NRIP1: variants seen among roughly 807,000 people sequenced by gnomAD.
NRIP1 encodes nuclear receptor interacting protein 1.
Under a neutral mutation model 75.0 loss-of-function variants are expected in NRIP1, and 28 were observed. That is an observed-to-expected ratio of 0.37 (90% CI 0.28 to 0.51). The LOEUF (loss-of-function observed/expected upper bound fraction) is 0.51. Among genes scored for constraint, NRIP1 ranks in the 20% least tolerant of loss-of-function variants. NRIP1 has a pLI of 0.92. For synonymous variants in NRIP1, 526 were observed against 487.6 expected, an observed-to-expected ratio of 1.08 and a Z score of -1.04; for missense variants, 1,435 against 1,343.7, an observed-to-expected ratio of 1.07 and a Z score of -1.06.
intron 1 of NRIP1, among the ~76,000 whole-genome samples, chr21:15,062,926 A>ATACCC: frequency 3.3e-5 from 5 of 152,356 alleles, no homozygotes; most frequent in Admixed American, 1.3e-4. Context: ...CATGTAAAAG[A>ATACCC]GGCATTAAAC....
chr21:15,015,445 C>T (rs1334821384), intron 2 of NRIP1, among the ~76,000 whole-genome samples: 1 of 151,916 alleles, frequency 6.6e-6, no homozygotes, highest in Non-Finnish European at 1.5e-5. Context: ...GTTATATGTC[C>T]GTTGATGCAG....
chr21:14,975,681 AAGGG>A (rs2087043621), intron 3 of NRIP1, among the ~76,000 whole-genome samples: 1 of 139,382 alleles, frequency 7.2e-6, no homozygotes, highest in South Asian at 2.2e-4. Flanking sequence ...GAAAGAAAGA[AAGGG>A]AGGGGAGGGG....
chr21:15,039,865 A>G (rs2088915910), intron 2 of NRIP1, among the ~76,000 whole-genome samples: 1 of 152,082 alleles, frequency 6.6e-6, no homozygotes, highest in African/African-American at 2.4e-5. Context: ...TGCCCCCTAA[A>G]CACTGGCTAA....
At chr21:14,975,015 G>A (rs2087013191) in intron 3 of NRIP1, among the ~76,000 whole-genome samples, 2 of 152,162 alleles carry the variant, frequency 1.3e-5, no homozygotes, top group Non-Finnish European at 2.9e-5. Context: ...GGGAGGCTGA[G>A]GTGGGAGGAT....
rs1299371526 is a variant in NRIP1, at chr21:14,964,470, AGTT to A, written c.*243_*245del. The A allele has an allele frequency of 8.6e-6, 3 of 348,324 alleles. No individual in the cohort carries two copies. Among genetic ancestry groups the A allele is most frequent in the East Asian group, 4.5e-5 (1 of 22,396 alleles). 21.6% of individuals were successfully genotyped at this position (348,324 alleles called of 1,614,324 possible). A position where few individuals can be genotyped will look rare whatever the true frequency, so the allele number is the denominator to read the frequency against. On this transcript the variant is annotated 3_prime_UTR_variant, in exon 4 of 4. Coordinates refer to ENST00000318948, the MANE Select transcript of NRIP1 (RefSeq NM_003489.4). ...AGAATTTCATTCATAGGCTACTCAC[AGTT>A]GTTATCTGATGCATACAGAAGTGTT...
intron 1 of NRIP1, among the ~76,000 whole-genome samples, chr21:15,061,267 G>A (rs555331392): frequency 2.0e-5 from 3 of 152,220 alleles, no homozygotes; most frequent in African/African-American, 4.8e-5. Context: ...GTCTTCATCC[G>A]TGTAACAGTA....
Position 14,964,520 on chromosome 21 carries a change from G to A in NRIP1, c.*196C>T, listed in dbSNP as rs1946368727. ...TGTTAAACAACCAATTGCTAGTTCA[G>A]TAGTTTCCTCATGACATCTAATGTT... On this transcript the variant is annotated 3_prime_UTR_variant, in exon 4 of 4. Transcript: ENST00000318948. 1 of 463,098 alleles carries A rather than the reference G, an allele frequency of 2.2e-6. No individual in the cohort carries two copies. Among genetic ancestry groups the A allele is most frequent in the Non-Finnish European group, 3.8e-6 (1 of 265,258 alleles). 28.7% of individuals were successfully genotyped at this position (463,098 alleles called of 1,614,324 possible).
At chr21:15,014,184 A>AT (rs911391433) in intron 3 of NRIP1, among the ~76,000 whole-genome samples, 160 bp downstream of exon 3, 3 of 152,166 alleles carry the variant, frequency 2.0e-5, no homozygotes, top group Non-Finnish European at 4.4e-5. Flanking sequence ...TAGCTCTTTC[A>AT]TTTTTTAAAC....
chr21:15,036,628 T>C (rs541300969), intron 2 of NRIP1, among the ~76,000 whole-genome samples: 31 of 152,238 alleles, frequency 2.0e-4, no homozygotes, highest in African/African-American at 7.2e-4. Flanking sequence ...GTCAAACTTA[T>C]TTCATTCTTA....
intron 3 of NRIP1, among the ~76,000 whole-genome samples, chr21:14,988,477 T>A (rs1366155595): frequency 6.9e-6 from 1 of 145,456 alleles, no homozygotes; most frequent in African/African-American, 2.5e-5. Context: ...AGATAGATAA[T>A]ATAGATAGAT....
intron 3 of NRIP1, among the ~76,000 whole-genome samples, chr21:14,974,017 T>A (rs534535497): frequency 6.6e-6 from 1 of 151,932 alleles, no homozygotes; most frequent in African/African-American, 2.4e-5. Flanking sequence ...TAACCCTCAG[T>A]ACACCAAGAA....
chr21:15,044,316 G>T (rs978465330), intron 1 of NRIP1, among the ~76,000 whole-genome samples: 2 of 149,994 alleles, frequency 1.3e-5, no homozygotes, highest in African/African-American at 4.9e-5. Flanking sequence ...GTTAAACTCA[G>T]AATTAGAACC....
Position 14,965,968 on chromosome 21 carries a change from G to C in NRIP1, c.2225C>G (p.Ser742Ter). Residue 742 changes from serine to a stop codon, truncating the protein, a stop_gained, in exon 4 of 4, where the codon TCA becomes TGA. Transcript: ENST00000318948. LOFTEE classifies it high-confidence loss of function. The stretch of plus-strand genomic sequence containing the variant: ...TATTTGTTCACTTAAAGCTCTCTCT[G>C]AGTGTTCCTGAGTACTTTCATCTCT... The part of the protein sequence containing the change: ...PLRDESTQEH[S>*]ERALSEQILM... The C allele has an allele frequency of 1.2e-6, 2 of 1,613,838 alleles. No homozygotes were observed. Among genetic ancestry groups the C allele is most frequent in the East Asian group, 2.2e-5 (1 of 44,872 alleles).
chr21:14,996,557 T>C (rs1386713484), intron 3 of NRIP1, among the ~76,000 whole-genome samples: 2 of 152,190 alleles, frequency 1.3e-5, no homozygotes, highest in Non-Finnish European at 2.9e-5. Context: ...ACCTCGGAGA[T>C]CACAGTTGTC....
At chr21:14,970,348 C>A (rs1179116127) in intron 3 of NRIP1, among the ~76,000 whole-genome samples, 2 of 152,044 alleles carry the variant, frequency 1.3e-5, no homozygotes, top group Non-Finnish European at 2.9e-5. Context: ...GAGTTTGAGA[C>A]CAACCTGACC....
chr21:15,020,279 G>C (rs914871868), intron 2 of NRIP1, among the ~76,000 whole-genome samples: 4 of 152,152 alleles, frequency 2.6e-5, no homozygotes, highest in Admixed American at 6.5e-5. Context: ...GAACAGAATA[G>C]AGTCCAGAAT....
chr21:15,025,996 C>A (rs79344041), intron 2 of NRIP1, among the ~76,000 whole-genome samples: 2 of 151,990 alleles, frequency 1.3e-5, no homozygotes, highest in Non-Finnish European at 2.9e-5. Context: ...TGAGCTCTGA[C>A]GATTAGATAG....
intron 3 of NRIP1, among the ~76,000 whole-genome samples, chr21:15,001,943 G>A (rs1337767441): frequency 6.6e-6 from 1 of 151,974 alleles, no homozygotes; most frequent in Non-Finnish European, 1.5e-5. Flanking sequence ...ACTTTACAGG[G>A]TTTCATTATC....
chr21:14,973,853 T>TG (rs1445776070), intron 3 of NRIP1, among the ~76,000 whole-genome samples: 2 of 150,040 alleles, frequency 1.3e-5, no homozygotes, highest in African/African-American at 2.5e-5. Context: ...ATTTTTTTTT[T>TG]TTTTTTTTCC....
Sources: allele counts gnomAD v4.1 joint callset (sites outside exome capture counted in the v4.1 genomes callset), GRCh38; gene constraint gnomAD v4.1.1; transcripts MANE v1.5; gene names NCBI Gene and HGNC (gene_info 2026-07-23, HGNC 2026-07-21).